Variants in GRAMD1A observed in about 807,000 individuals in gnomAD.
GRAMD1A encodes the protein protein Aster-A.
Under a neutral mutation model 92.0 loss-of-function variants are expected in GRAMD1A, and 50 were observed. The observed-to-expected ratio is 0.54, with a 90% CI of 0.43 to 0.69. The LOEUF is 0.69. GRAMD1A is among the 30% of genes least tolerant of loss of function. The pLI is 0.00. For missense variants in GRAMD1A, 819 were observed against 978.9 expected (o/e 0.84, Z 2.18); for synonymous variants, 405 against 403.6 (o/e 1.00, Z -0.04).
In GRAMD1A at chr19:35,009,390, G is replaced by A. The variant is rs373958659; in HGVS notation, c.220-33G>A. ...AGTGGGGGCTGGCCGGTGATCTAGG[G>A]GCTCATCCTGACTCCTCTCCTTTTC... On this transcript the variant is annotated intron_variant, in intron 2 of 19. Coordinates refer to ENST00000317991, the MANE Select transcript of GRAMD1A (RefSeq NM_020895.5). The A allele has an allele frequency of 2.5e-6, 4 of 1,613,982 alleles. No homozygotes were observed. In the African/African-American group the frequency reaches 5.3e-5, roughly 22 times the overall value.
At chr19:35,014,161 C>T in intron 9 of GRAMD1A, 28 bp from the exon 10 acceptor site, 1 of 1,603,586 alleles carries the variant, frequency 6.2e-7, no homozygotes, top group Non-Finnish European at 8.5e-7. Context: ...TGGAGGTGGC[C>T]AAGGCTGCAT....
upstream of GRAMD1A, among the ~76,000 whole-genome samples, chr19:34,995,724 T>C (rs537773203): frequency 6.6e-6 from 1 of 152,040 alleles, no homozygotes; most frequent in Admixed American, 6.5e-5. Context: ...GCCAGGGCTA[T>C]AGGGACGTGC....
upstream of GRAMD1A, among the ~76,000 whole-genome samples, chr19:34,997,557 A>G (rs2014093177): frequency 6.6e-6 from 1 of 152,178 alleles, no homozygotes; most frequent in Admixed American, 6.5e-5. Flanking sequence ...ACAAGCAGCC[A>G]CTGTGGTTTC....
intron 1 of GRAMD1A, 101 bp from the exon 2 acceptor site, chr19:35,009,018 T>G: frequency 2.6e-6 from 2 of 756,580 alleles, no homozygotes; most frequent in South Asian, 3.1e-5. Context: ...TGGATGGGTG[T>G]GTATTCGGGG....
chr19:34,999,958 T>C, upstream of GRAMD1A: 1 of 982,744 alleles, frequency 1.0e-6, no homozygotes, highest in Non-Finnish European at 1.2e-6. Context: ...TCTCCAGTCC[T>C]CCCCCACCTT....
rs764437115 is a variant in GRAMD1A at position 35,023,563 on chromosome 19, C to T, written c.2082+16C>T. The T allele has an allele frequency of 1.4e-5, 22 of 1,561,626 alleles. No individual in the cohort carries two copies. Among genetic ancestry groups the T allele is most frequent in the Middle Eastern group, 4.3e-4 (2 of 4,680 alleles). ...CCTGGATGAGGTAGGAGGCGCCGCT[C>T]GGGCAGGGCTCGGGGCTGCGGGGCT... On this transcript the variant is annotated intron_variant, in intron 19 of 19. Coordinates refer to ENST00000317991, the MANE Select transcript of GRAMD1A (RefSeq NM_020895.5).
intron 5 of GRAMD1A, 25 bp downstream of exon 5, chr19:35,010,220 C>G: frequency 1.3e-6 from 2 of 1,596,900 alleles, no homozygotes; most frequent in Non-Finnish European, 1.7e-6. Context: ...GGGCAGGGTA[C>G]AGGGGCGGGG....
At chr19:35,017,905 A>G (rs2015757994) in intron 11 of GRAMD1A, among the ~76,000 whole-genome samples, 1 of 152,170 alleles carries the variant, frequency 6.6e-6, no homozygotes, top group African/African-American at 2.4e-5. Flanking sequence ...GAGTTCATCT[A>G]TCCTGGTCTC....
At chr19:35,022,810 A>C in intron 16 of GRAMD1A, 90 bp from the exon 17 acceptor site, 104 of 1,396,994 alleles carry the variant, frequency 7.4e-5, no homozygotes, top group Non-Finnish European at 9.7e-5. Flanking sequence ...CTCTCAGCCA[A>C]GAGCTGCCCC....
In GRAMD1A at chr19:35,026,220, G is replaced by A; in HGVS notation, c.*79G>A. ...TCGGCGGCCACTGCTGGCACGGTGTGAGCGCCAGGCATCTCCCACCCGCCC... is the reference window on the plus strand; with the variant it reads ...TCGGCGGCCACTGCTGGCACGGTGTAAGCGCCAGGCATCTCCCACCCGCCC... On this transcript the variant is annotated 3_prime_UTR_variant, in exon 20 of 20. Transcript: ENST00000317991. 1.3e-6 allele frequency: 1 copy of A among 782,798 alleles called. No individual in the cohort carries two copies. The highest frequency in any genetic ancestry group is 1.4e-5 in the South Asian group (1 of 70,328). 48.5% of individuals were successfully genotyped at this position (782,798 alleles called of 1,614,324 possible).
At chr19:35,016,522 C>T (rs560291984) in intron 11 of GRAMD1A, among the ~76,000 whole-genome samples, 78 of 146,562 alleles carry the variant, frequency 5.3e-4, no homozygotes, top group South Asian at 1.3e-3. Flanking sequence ...GCTTGAACCT[C>T]GGAGGCGGAG....
At chr19:35,000,008 CT>C, upstream of GRAMD1A, 1 of 984,512 alleles carries the variant, frequency 1.0e-6, no homozygotes, top group Non-Finnish European at 1.2e-6. The surrounding 1 kb of genome is among the most constrained non-coding windows in gnomAD (Gnocchi z 4.9). Context: ...GGTCCAGGAG[CT>C]TCTGGCCAGG....
In GRAMD1A at chr19:35,013,427, C is replaced by T. The variant is rs2015392677; in HGVS notation, c.719+59C>T. The T allele has an allele frequency of 3.3e-6, 5 of 1,512,702 alleles. No individual in the cohort carries two copies. Among genetic ancestry groups the T allele is most frequent in the Non-Finnish European group, 4.6e-6 (5 of 1,094,714 alleles). 93.7% of individuals were successfully genotyped at this position (1,512,702 alleles called of 1,614,324 possible). ...GGGGGAGAACAGGACGGTCGGCGTGCAGAGTTCCTGGAGTGCTGGGGGGCC... is the reference window on the plus strand; with the variant it reads ...GGGGGAGAACAGGACGGTCGGCGTGTAGAGTTCCTGGAGTGCTGGGGGGCC... On this transcript the variant is annotated intron_variant, in intron 8 of 19. Coordinates refer to ENST00000317991, the MANE Select transcript of GRAMD1A (RefSeq NM_020895.5). The surrounding 1 kb of genome is among the most constrained non-coding windows in gnomAD (Gnocchi z 4.9).
At chr19:35,016,743 A>C (rs973347607) in intron 11 of GRAMD1A, among the ~76,000 whole-genome samples, 1 of 151,896 alleles carries the variant, frequency 6.6e-6, no homozygotes, top group Non-Finnish European at 1.5e-5. Flanking sequence ...TCCACTAAAA[A>C]TACAAAAATA....
At chr19:35,004,810 C>G (rs764195657) in intron 1 of GRAMD1A, among the ~76,000 whole-genome samples, 30 of 152,242 alleles carry the variant, frequency 2.0e-4, no homozygotes, top group South Asian at 8.3e-4. Flanking sequence ...GGGAAAGCAG[C>G]GTAGTTAAAC....
intron 7 of GRAMD1A, 27 bp downstream of exon 7, chr19:35,011,581 G>T: frequency 6.5e-7 from 1 of 1,541,692 alleles, no homozygotes. Context: ...CCCGGGTGGG[G>T]ATGGGGGGTT....
chr19:35,012,472 C>G (rs1291951472), intron 7 of GRAMD1A, among the ~76,000 whole-genome samples: 1 of 152,250 alleles, frequency 6.6e-6, no homozygotes, highest in African/African-American at 2.4e-5. Context: ...CACTGTCATT[C>G]AGCCACTCTG....
rs774655580 is a variant in GRAMD1A, at chr19:35,026,003, C to G, written c.2083-46C>G. The G allele has an allele frequency of 3.1e-6, 3 of 959,292 alleles. No individual in the cohort carries two copies. The East Asian group carries it at 7.2e-5, about 23-fold the overall frequency. The allele number at this position is 959,292 out of a possible 1,614,324, so 59.4% of individuals were successfully genotyped here. A position where few individuals can be genotyped will look rare whatever the true frequency, so the allele number is the denominator to read the frequency against. On this transcript the variant is annotated intron_variant, in intron 19 of 19. Transcript: ENST00000317991. ...GGTGGGGGTGGGCGACATCACCCCC[C>G]AGCCTCCAGCGTTCACCCCCGACCC...
rs775305731 is a variant in GRAMD1A, at chr19:35,009,343, C to T, written c.219+14C>T. 2 of 1,613,860 alleles carry T rather than the reference C, an allele frequency of 1.2e-6. No individual in the cohort carries two copies. Among genetic ancestry groups the T allele is most frequent in the East Asian group, 4.5e-5 (2 of 44,878 alleles). ...CGCAACAGCAAGGTTGGTGCAAGCC[C>T]AGGTGGGGTGGGGAGAGGGCTAGTG... On this transcript the variant is annotated intron_variant, in intron 2 of 19. Transcript: ENST00000317991.
Sources: gnomAD v4.1 joint callset for allele counts (sites outside exome capture counted in the v4.1 genomes callset) on GRCh38, gnomAD v4.1.1 for gene constraint, Gnocchi (gnomAD v3.1) non-coding constraint, MANE v1.5 for transcripts, NCBI Gene and HGNC (gene_info 2026-07-23, HGNC 2026-07-21) for gene names.